The following SUN3 variants were observed in gnomAD, a reference collection of about 807,000 sequenced individuals.
SUN3 encodes SUN domain-containing protein 3.
SUN3 carries 36 observed loss-of-function variants against 48.2 expected under a neutral mutation model. The observed-to-expected ratio is 0.75, with a 90% CI of 0.57 to 0.99. The LOEUF is 0.99. Among genes scored for constraint, SUN3 ranks in the 50% least tolerant of loss-of-function variants. The pLI, the probability that SUN3 is intolerant of heterozygous loss-of-function variation, is 0.00. For missense variants in SUN3, 419 were observed against 433.1 expected, an observed-to-expected ratio of 0.97 and a Z score of 0.29; for synonymous variants, 148 against 147.9, an observed-to-expected ratio of 1.00 and a Z score of 0.00.
rs1310472689 is a variant in SUN3, at chr7:47,987,381, A to G, written c.1023T>C (p.Tyr341=). 1 of 1,611,712 alleles carries G rather than the reference A, an allele frequency of 6.2e-7. No homozygotes were observed. Among genetic ancestry groups the G allele is most frequent in the Non-Finnish European group, 8.5e-7 (1 of 1,178,620 alleles). The part of the protein sequence containing the change: ...NIFSNWGHPK[Y]TCLYRFRVHG... Reference sequence around the variant, plus strand: ...GGACCCTGAATCGATATAAACAAGTATACTTCGGGTGTCCCCAGTTGCTAA... The same window carrying G: ...GGACCCTGAATCGATATAAACAAGTGTACTTCGGGTGTCCCCAGTTGCTAA... Residue 341 remains tyrosine (Y), a synonymous_variant, in exon 10 of 10, where the codon TAT becomes TAC. Transcript: ENST00000297325.
intron 3 of SUN3, among the ~76,000 whole-genome samples, chr7:48,012,227 T>C (rs902147696): frequency 1.3e-5 from 2 of 152,162 alleles, no homozygotes; most frequent in African/African-American, 2.4e-5. Flanking sequence ...GGATATTGTT[T>C]TCAGCAACAA....
the SUN3 span, among the ~76,000 whole-genome samples, chr7:48,034,306 C>A: frequency 6.6e-6 from 1 of 152,118 alleles, no homozygotes; most frequent in African/African-American, 2.4e-5. Flanking sequence ...AATTCCTGCA[C>A]AAAAACTATC....
intron 3 of SUN3, among the ~76,000 whole-genome samples, chr7:48,009,989 C>T (rs865798868): frequency 1.1e-4 from 16 of 152,082 alleles, no homozygotes; most frequent in African/African-American, 3.6e-4. Flanking sequence ...CCACAGATGA[C>T]GGTGGTTGGG....
At chr7:48,021,354 A>G (rs1789991002) in intron 2 of SUN3, among the ~76,000 whole-genome samples, 1 of 152,148 alleles carries the variant, frequency 6.6e-6, no homozygotes, top group Admixed American at 6.6e-5. Context: ...GGTCTGGGCA[A>G]AAATTTCTTG....
At chr7:48,009,120 T>C in intron 3 of SUN3, 45 bp from the exon 4 acceptor site, 2 of 1,555,936 alleles carry the variant, frequency 1.3e-6, no homozygotes, top group Non-Finnish European at 1.7e-6. Context: ...TTCTGCTTAT[T>C]CAAATAGAGT....
At chr7:48,014,685 C>T (rs755286159) in intron 3 of SUN3, among the ~76,000 whole-genome samples, 3 of 152,190 alleles carry the variant, frequency 2.0e-5, no homozygotes, top group Non-Finnish European at 4.4e-5. Flanking sequence ...CAGGCACTAA[C>T]AGAACCTGCC....
Position 47,994,476 on chromosome 7 carries a change from C to CCTA in SUN3, c.699_700insTAG (p.Asp233_Val234insTer), listed in dbSNP as rs1474703223. The CCTA allele has an allele frequency of 3.8e-6, 6 of 1,591,180 alleles. No individual in the cohort carries two copies. Among genetic ancestry groups the CCTA allele is most frequent in the Admixed American group, 3.8e-5 (2 of 52,626 alleles). On this transcript the variant is annotated stop_gained and inframe_insertion, in exon 8 of 10. Coordinates refer to ENST00000297325, the MANE Select transcript of SUN3 (RefSeq NM_001030019.2). LOFTEE classifies it high-confidence loss of function. ...AAAGCCCAGCACTTTCCAGGGTAGA[C>CCTA]ATCCGGCTGGAAAGAAAACACTGAA...
Position 47,987,517 on chromosome 7 carries a change from T to C in SUN3, c.955-68A>G, listed in dbSNP as rs1788934093. On this transcript the variant is annotated intron_variant, in intron 9 of 9. Coordinates refer to ENST00000297325, the MANE Select transcript of SUN3 (RefSeq NM_001030019.2). ...CATCTCAAAGAATCCCAATGAATACTGATATAATTTTAAATTATATACTTT... is the reference window on the plus strand; with the variant it reads ...CATCTCAAAGAATCCCAATGAATACCGATATAATTTTAAATTATATACTTT... 2.2e-6 allele frequency: 3 copies of C among 1,363,162 alleles called. No individual in the cohort carries two copies. In the Admixed American group the frequency reaches 7.8e-5, roughly 35 times the overall value. 84.4% of individuals were successfully genotyped at this position (1,363,162 alleles called of 1,614,324 possible). A position where few individuals can be genotyped will look rare whatever the true frequency, so the allele number is the denominator to read the frequency against.
the SUN3 span, chr7:48,035,502 G>A: frequency 1.4e-6 from 1 of 697,522 alleles, no homozygotes; most frequent in Non-Finnish European, 2.6e-6. The surrounding 1 kb of genome is among the most constrained non-coding windows in gnomAD (Gnocchi z 4.0). Flanking sequence ...CCGTTGCCCT[G>A]GCGACGCCGA....
At chr7:47,998,218 C>T (rs2708885) in intron 6 of SUN3, among the ~76,000 whole-genome samples, 66,879 of 152,042 alleles carry the variant, frequency 0.44, 15,517 homozygotes, top group Non-Finnish European at 0.51. Flanking sequence ...TTTGTTCATG[C>T]GGTTGCCAGC....
chr7:48,007,820 A>G (rs1016111962), intron 4 of SUN3, among the ~76,000 whole-genome samples: 1 of 151,406 alleles, frequency 6.6e-6, no homozygotes, highest in African/African-American at 2.4e-5. Flanking sequence ...TTACTTCCCA[A>G]GAATGTTTTT....
chr7:48,012,117 T>A (rs952310946), intron 3 of SUN3, among the ~76,000 whole-genome samples: 1 of 152,222 alleles, frequency 6.6e-6, no homozygotes, highest in Admixed American at 6.5e-5. Context: ...AAAACATCCC[T>A]CCCTGTAGGC....
intron 1 of SUN3, among the ~76,000 whole-genome samples, chr7:48,027,724 G>C: frequency 6.6e-6 from 1 of 152,110 alleles, no homozygotes; most frequent in Non-Finnish European, 1.5e-5. Context: ...ATACCTATTA[G>C]CCATCCAAGA....
intron 4 of SUN3, among the ~76,000 whole-genome samples, chr7:48,008,714 T>G (rs1789600430): frequency 6.6e-6 from 1 of 152,216 alleles, no homozygotes; most frequent in Admixed American, 6.5e-5. Flanking sequence ...TTTTGTTGTT[T>G]CCTTCTTTTG....
intron 2 of SUN3, among the ~76,000 whole-genome samples, chr7:48,022,200 G>A (rs1790018028): frequency 6.6e-6 from 1 of 152,092 alleles, no homozygotes; most frequent in African/African-American, 2.4e-5. Context: ...TCAATTATTT[G>A]TGGGAGCTAA....
chr7:48,023,958 C>A (rs543034516), intron 2 of SUN3, among the ~76,000 whole-genome samples: 2 of 152,276 alleles, frequency 1.3e-5, no homozygotes, highest in African/African-American at 4.8e-5. Flanking sequence ...GTTTTTGGAA[C>A]AGAGGACAAG....
intron 6 of SUN3, chr7:48,000,145 T>C (rs1207175725): frequency 1.3e-5 from 2 of 152,236 alleles, no homozygotes; most frequent in African/African-American, 4.8e-5. Context: ...TTTGTTGTTG[T>C]TGTTGTTTTG....
chr7:48,028,866 C>A lies in SUN3; in HGVS notation c.73G>T (p.Ala25Ser), dbSNP rs1366501433. The change falls in exon 1 of 10, where the codon GCC becomes TCC. Residue 25 changes from alanine (A) to serine (S), a missense_variant. By Grantham distance (99) the Ala-to-Ser change is moderately conservative. Transcript: ENST00000297325. ...TCTGATAACAAAGCATTGCCACTGG[C>A]GCTACCGCTGGCGTCTTCAGAGCAA... The part of the protein sequence containing the change: ...RRCSEDASGS[A>S]SGNALLSEDE... 1 of 1,613,914 alleles carries A rather than the reference C, an allele frequency of 6.2e-7. No homozygotes were observed. The highest frequency in any genetic ancestry group is 1.3e-5 in the African/African-American group (1 of 75,024).
chr7:48,004,381 T>C (rs76018409), intron 6 of SUN3, among the ~76,000 whole-genome samples: 4,152 of 152,372 alleles, frequency 0.027, 190 homozygotes, highest in African/African-American at 0.094. Context: ...TCAGTCCTCC[T>C]TCCTTTTATG....
Sources: gnomAD v4.1 joint callset for allele counts (sites outside exome capture counted in the v4.1 genomes callset) on GRCh38, gnomAD v4.1.1 for gene constraint, Gnocchi (gnomAD v3.1) non-coding constraint, MANE v1.5 for transcripts, NCBI Gene and HGNC (gene_info 2026-07-23, HGNC 2026-07-21) for gene names.